CHCHD6: variants seen among roughly 807,000 people sequenced by gnomAD.
CHCHD6 encodes the protein coiled-coil-helix-coiled-coil-helix domain containing 6, also known as MICOS complex subunit MIC25.
CHCHD6 carries 28 observed loss-of-function variants against 32.3 expected under a neutral mutation model. The observed-to-expected ratio is 0.87, with a 90% CI of 0.64 to 1.19. The LOEUF is 1.19. Ranked by LOEUF, CHCHD6 falls within the 50% of genes most tolerant of loss-of-function variation. The probability of loss-of-function intolerance (pLI) is 0.00; values close to 1 mark genes in which losing one functional copy is unlikely to be tolerated. For synonymous variants in CHCHD6, 122 were observed against 117.5 expected (o/e 1.04, Z -0.25); for missense variants, 333 against 307.0 (o/e 1.08, Z -0.63).
chr3:126,913,070 G>A (rs1411983217), intron 5 of CHCHD6, among the ~76,000 whole-genome samples: 4 of 152,278 alleles, frequency 2.6e-5, no homozygotes, highest in African/African-American at 7.2e-5. Context: ...GCAAGGCAAC[G>A]CAGCTCTAAA....
chr3:126,767,506 C>T, intron 4 of CHCHD6: 1 of 544,868 alleles, frequency 1.8e-6, no homozygotes, highest in Non-Finnish European at 3.4e-6. Context: ...GTTAGGTGCT[C>T]TCTTTTCTGT....
At chr3:126,938,215 G>C (rs558036013) in intron 6 of CHCHD6, among the ~76,000 whole-genome samples, 2 of 152,324 alleles carry the variant, frequency 1.3e-5, no homozygotes, top group East Asian at 3.9e-4. Context: ...AAGGAGAGGG[G>C]AGTGGGAGGA....
chr3:126,893,940 T>C (rs2077801255), intron 5 of CHCHD6, among the ~76,000 whole-genome samples: 1 of 152,206 alleles, frequency 6.6e-6, no homozygotes, highest in African/African-American at 2.4e-5. Context: ...GCAGCTGAGC[T>C]TTGAGATGGC....
intron 5 of CHCHD6, among the ~76,000 whole-genome samples, chr3:126,857,250 C>G (rs982880731): frequency 1.3e-5 from 2 of 152,124 alleles, no homozygotes; most frequent in Non-Finnish European, 1.5e-5. Context: ...AGAGGACCTC[C>G]CAGCTCTGTG....
intron 6 of CHCHD6, among the ~76,000 whole-genome samples, chr3:126,931,672 T>C (rs1559929435): frequency 6.6e-6 from 1 of 152,178 alleles, no homozygotes; most frequent in Admixed American, 6.5e-5. Flanking sequence ...TTGACATACA[T>C]ACCTCCCAGT....
At chr3:126,943,970 C>A (rs138548432) in intron 6 of CHCHD6, among the ~76,000 whole-genome samples, 1 of 152,142 alleles carries the variant, frequency 6.6e-6, no homozygotes, top group Non-Finnish European at 1.5e-5. Flanking sequence ...AAATGTAAAA[C>A]GCAAAACTGT....
intron 5 of CHCHD6, among the ~76,000 whole-genome samples, chr3:126,914,330 G>A (rs2078138318): frequency 6.6e-6 from 1 of 152,202 alleles, no homozygotes; most frequent in Non-Finnish European, 1.5e-5. Context: ...CTCTGCCATT[G>A]TAGCACAGAA....
chr3:126,865,020 C>CACCACTACCTCT (rs1242445541), intron 5 of CHCHD6, among the ~76,000 whole-genome samples: 41 of 146,160 alleles, frequency 2.8e-4, no homozygotes, highest in Middle Eastern at 4.1e-3. Flanking sequence ...CCACCACCAC[C>CACCACTACCTCT]ACTACCTCTA....
At chr3:126,775,169 A>ATTATC (rs1937613744) in intron 4 of CHCHD6, among the ~76,000 whole-genome samples, 1 of 152,216 alleles carries the variant, frequency 6.6e-6, no homozygotes, top group Admixed American at 6.5e-5. Flanking sequence ...TTTGGTTCAC[A>ATTATC]TTATCATCAG....
At chr3:126,803,297 G>A (rs992662418) in intron 4 of CHCHD6, among the ~76,000 whole-genome samples, 26 of 152,060 alleles carry the variant, frequency 1.7e-4, no homozygotes, top group African/African-American at 6.0e-4. Context: ...AAGACCCATT[G>A]GTGTGCTGTA....
chr3:126,863,071 A>G (rs1244676533), intron 5 of CHCHD6, among the ~76,000 whole-genome samples: 4 of 23,624 alleles, frequency 1.7e-4, no homozygotes, highest in African/African-American at 7.6e-4. Flanking sequence ...CTCCACCATC[A>G]TCACCTCCTC....
At chr3:126,862,038 C>T (rs1245381713) in intron 5 of CHCHD6, among the ~76,000 whole-genome samples, 5 of 55,260 alleles carry the variant, frequency 9.0e-5, no homozygotes, top group African/African-American at 4.1e-4. Flanking sequence ...CCACCTCCCC[C>T]TCCTCCACCA....
At chr3:126,759,742 G>A in intron 4 of CHCHD6, among the ~76,000 whole-genome samples, 1 of 152,130 alleles carries the variant, frequency 6.6e-6, no homozygotes, top group East Asian at 1.9e-4. Flanking sequence ...CATTAAATTT[G>A]ATTACTTGGT....
intron 4 of CHCHD6, among the ~76,000 whole-genome samples, chr3:126,826,904 C>T (rs1375889632): frequency 6.6e-6 from 1 of 152,094 alleles, no homozygotes; most frequent in Non-Finnish European, 1.5e-5. Context: ...TTCTCTGGTC[C>T]ACAGAAAGGA....
At chr3:126,858,261 G>C (rs1348662808) in intron 5 of CHCHD6, among the ~76,000 whole-genome samples, 1 of 150,284 alleles carries the variant, frequency 6.7e-6, no homozygotes, top group Non-Finnish European at 1.5e-5. Context: ...TTACCCTTTG[G>C]GGGCAGCAGT....
chr3:126,822,275 C>G (rs1291645325), intron 4 of CHCHD6, among the ~76,000 whole-genome samples: 3 of 152,142 alleles, frequency 2.0e-5, no homozygotes, highest in Non-Finnish European at 4.4e-5. Context: ...ATTTCATTTG[C>G]ATATAGAAAT....
chr3:126,939,626 A>G (rs904131775), intron 6 of CHCHD6, among the ~76,000 whole-genome samples: 5 of 152,238 alleles, frequency 3.3e-5, no homozygotes, highest in Non-Finnish European at 4.4e-5. Context: ...GACAGTGTGG[A>G]AAACAGGAAT....
intron 4 of CHCHD6, among the ~76,000 whole-genome samples, chr3:126,792,235 T>C (rs1377728976): frequency 1.3e-5 from 2 of 148,208 alleles, no homozygotes; most frequent in East Asian, 3.9e-4. Flanking sequence ...TTAGAATATA[T>C]ATTCTAATAT....
At chr3:126,915,163 TCCTGTGCCTGGTACATGCAGTGCAC>T (rs1332877751) in intron 6 of CHCHD6, among the ~76,000 whole-genome samples, 3 of 152,208 alleles carry the variant, frequency 2.0e-5, no homozygotes, top group African/African-American at 7.2e-5. Flanking sequence ...TCTCAGTGCT[TCCTGTGCCTGGTACATGCAGTGCAC>T]CCTGTGCGCA....
Sources: gnomAD v4.1 joint callset for allele counts (sites outside exome capture counted in the v4.1 genomes callset) on GRCh38, gnomAD v4.1.1 for gene constraint, MANE v1.5 for transcripts, NCBI Gene and HGNC (gene_info 2026-07-23, HGNC 2026-07-21) for gene names.